PDE3B: variants seen among roughly 807,000 people sequenced by gnomAD.
PDE3B encodes phosphodiesterase 3B.
PDE3B carries 66 observed loss-of-function variants against 116.8 expected under a neutral mutation model. The observed-to-expected ratio is 0.56, with a 90% confidence interval of 0.46 to 0.69. PDE3B has a LOEUF of 0.69. Among genes scored for constraint, PDE3B ranks in the 30% least tolerant of loss-of-function variants. The pLI, the probability that PDE3B is intolerant of heterozygous loss-of-function variation, is 0.00. For synonymous variants in PDE3B, 595 were observed against 533.6 expected, an observed-to-expected ratio of 1.12 and a Z score of -1.59; for missense variants, 1,384 against 1,368.1, an observed-to-expected ratio of 1.01 and a Z score of -0.18.
intron 1 of PDE3B, among the ~76,000 whole-genome samples, chr11:14,756,799 CTTA>C (rs1565123446): frequency 1.3e-5 from 1 of 78,308 alleles, no homozygotes; most frequent in Non-Finnish European, 2.5e-5. Flanking sequence ...ATTTTAAGTG[CTTA>C]TTTTTTTTTT....
chr11:14,679,982 A>T (rs376065972), intron 1 of PDE3B, among the ~76,000 whole-genome samples: 24 of 152,224 alleles, frequency 1.6e-4, no homozygotes, highest in South Asian at 1.0e-3. Flanking sequence ...TCAAATTTTA[A>T]GGATTCTGAA....
chr11:14,868,469 G>A (rs1848087570), intron 15 of PDE3B, among the ~76,000 whole-genome samples: 1 of 152,140 alleles, frequency 6.6e-6, no homozygotes, highest in Non-Finnish European at 1.5e-5. Context: ...TACATTCCCT[G>A]GCTGTAGAGG....
At chr11:14,732,498 T>G (rs1275479200) in intron 1 of PDE3B, among the ~76,000 whole-genome samples, 2 of 152,166 alleles carry the variant, frequency 1.3e-5, no homozygotes, top group Admixed American at 1.3e-4. Flanking sequence ...ATTATAGATT[T>G]TTGAGATTCA....
the PDE3B span, chr11:14,890,802 C>T: frequency 2.2e-6 from 2 of 913,346 alleles, no homozygotes; most frequent in South Asian, 1.0e-4. Flanking sequence ...CCCGCCTCGG[C>T]CTCCTAAAGT....
chr11:14,776,847 T>A (rs1055391501), intron 2 of PDE3B, among the ~76,000 whole-genome samples: 1 of 151,730 alleles, frequency 6.6e-6, no homozygotes, highest in African/African-American at 2.4e-5. Flanking sequence ...GTGAAAATAT[T>A]GAGGATAAAA....
chr11:14,672,031 AT>A (rs201987791), intron 1 of PDE3B, among the ~76,000 whole-genome samples: 280 of 44,060 alleles, frequency 6.4e-3, no homozygotes, highest in African/African-American at 0.025. Flanking sequence ...AAAAAAAAAT[AT>A]ATATATATAT....
At chr11:14,734,574 A>G (rs1835344450) in intron 1 of PDE3B, among the ~76,000 whole-genome samples, 1 of 152,188 alleles carries the variant, frequency 6.6e-6, no homozygotes. Context: ...ATGATTACAT[A>G]CTTTTTCTTC....
intron 1 of PDE3B, among the ~76,000 whole-genome samples, chr11:14,729,101 A>G (rs1465586261): frequency 6.6e-6 from 1 of 152,156 alleles, no homozygotes; most frequent in Non-Finnish European, 1.5e-5. Flanking sequence ...TATAGTTTTC[A>G]GTAAATTGGG....
chr11:14,879,519 A>G, the PDE3B span: 4 of 1,232,240 alleles, frequency 3.2e-6, no homozygotes, highest in East Asian at 2.5e-5. Context: ...CTGGAATAAA[A>G]TAAAGGATAA....
At chr11:14,677,200 ACTTAT>A (rs1213760233) in intron 1 of PDE3B, among the ~76,000 whole-genome samples, 1 of 152,128 alleles carries the variant, frequency 6.6e-6, no homozygotes, top group African/African-American at 2.4e-5. Flanking sequence ...GTAAGATGGC[ACTTAT>A]CTTGTTGTAT....
At chr11:14,838,258 T>A (rs1389510658) in intron 11 of PDE3B, among the ~76,000 whole-genome samples, 1 of 152,048 alleles carries the variant, frequency 6.6e-6, no homozygotes, top group Non-Finnish European at 1.5e-5. Context: ...GGATTATAGG[T>A]GTGAGCCACT....
chr11:14,706,748 C>CA (rs1369004493), intron 1 of PDE3B, among the ~76,000 whole-genome samples: 3 of 151,954 alleles, frequency 2.0e-5, no homozygotes, highest in African/African-American at 7.2e-5. Flanking sequence ...TAGGTGCATA[C>CA]AATACACATT....
chr11:14,663,341 C>G (rs1035994777), intron 1 of PDE3B, among the ~76,000 whole-genome samples: 6 of 152,156 alleles, frequency 3.9e-5, no homozygotes. Context: ...CCGGTACCAG[C>G]CCCTGCAAAA....
chr11:14,853,688 A>G (rs1847798420), intron 12 of PDE3B, among the ~76,000 whole-genome samples: 1 of 152,208 alleles, frequency 6.6e-6, no homozygotes, highest in Non-Finnish European at 1.5e-5. Flanking sequence ...ATTCTTCTTC[A>G]TTCTCATGGT....
chr11:14,876,490 A>G (rs141995056), downstream of PDE3B, among the ~76,000 whole-genome samples: 92 of 152,308 alleles, frequency 6.0e-4, 1 homozygote, highest in East Asian at 0.017. Flanking sequence ...ACCCATATGT[A>G]GCACATGTAT....
At chr11:14,749,035 T>C (rs891711066) in intron 1 of PDE3B, among the ~76,000 whole-genome samples, 1 of 151,970 alleles carries the variant, frequency 6.6e-6, no homozygotes, top group African/African-American at 2.4e-5. Flanking sequence ...ATTACAGGTA[T>C]GTACCACCAT....
At chr11:14,753,097 A>G (rs1857097762) in intron 1 of PDE3B, among the ~76,000 whole-genome samples, 1 of 152,068 alleles carries the variant, frequency 6.6e-6, no homozygotes, top group Non-Finnish European at 1.5e-5. Context: ...TTGTTTCCCT[A>G]TTCACCATCC....
chr11:14,668,977 G>C (rs530136394), intron 1 of PDE3B, among the ~76,000 whole-genome samples: 1 of 152,054 alleles, frequency 6.6e-6, no homozygotes, highest in South Asian at 2.1e-4. Context: ...AAGAGTGAGC[G>C]TCCTAATGAA....
At position 14,831,093 on chromosome 11, in the gene PDE3B, T is replaced by C. The variant is rs538125127; in HGVS notation, c.1956+247T>C. On this transcript the variant is annotated intron_variant, in intron 8 of 15. Coordinates refer to ENST00000282096, the MANE Select transcript of PDE3B (RefSeq NM_000922.4). ...TGAACATATTTTATTTAGTTTTATA[T>C]AAAATATATTATTTTCTATTCTGAT... Among the ~76,000 whole-genome samples the C allele has an allele frequency of 4.6e-5, 7 of 151,848 alleles. 1 individual carries two copies. In the South Asian group the frequency reaches 1.2e-3, roughly 27 times the overall value.
Sources: gnomAD v4.1 joint callset for allele counts (sites outside exome capture counted in the v4.1 genomes callset) on GRCh38, gnomAD v4.1.1 for gene constraint, MANE v1.5 for transcripts, NCBI Gene and HGNC (gene_info 2026-07-23, HGNC 2026-07-21) for gene names.